The following VWA3A variants were observed in gnomAD, a reference collection of about 807,000 sequenced individuals.
VWA3A encodes von Willebrand factor A domain-containing protein 3A.
Under a neutral mutation model 160.4 loss-of-function variants are expected in VWA3A, and 134 were observed. The observed-to-expected ratio is 0.84, with a 90% CI of 0.73 to 0.96. The LOEUF is 0.96. Ranked by LOEUF, VWA3A falls within the 40% of genes least tolerant of loss-of-function variation. The pLI is 0.00. For synonymous variants in VWA3A, 476 were observed against 543.4 expected (o/e 0.88, Z 1.72); for missense variants, 1,310 against 1,447.9 (o/e 0.90, Z 1.55).
intron 25 of VWA3A, among the ~76,000 whole-genome samples, chr16:22,143,974 A>T (rs1268287365): frequency 5.3e-5 from 8 of 151,440 alleles, no homozygotes; most frequent in African/African-American, 1.9e-4. Flanking sequence ...TCCTGACCTC[A>T]GGAGTTTGAG....
chr16:22,149,914 A>C lies in VWA3A; in HGVS notation c.3112A>C (p.Ile1038Leu). 1 of 1,608,500 alleles carries C rather than the reference A, an allele frequency of 6.2e-7. No homozygotes were observed. The highest frequency in any genetic ancestry group is 8.5e-7 in the Non-Finnish European group (1 of 1,176,508). The change falls in exon 29 of 34, where the codon ATC (isoleucine) becomes CTC (leucine). Residue 1038 changes from isoleucine to leucine, a missense_variant. By Grantham distance (5) the Ile-to-Leu change is conservative. Transcript: ENST00000389398. ...THLQAQGSTSILQALLKAFSF... is the reference protein window; with the variant it reads ...THLQAQGSTSLLQALLKAFSF... ...CCTGCAAGCTCAGGGCAGCACCTCCATCTTGCAAGCATTGCTGGCAAGTCC... is the reference window on the plus strand; with the variant it reads ...CCTGCAAGCTCAGGGCAGCACCTCCCTCTTGCAAGCATTGCTGGCAAGTCC...
chr16:22,112,992 C>T (rs1022306531), intron 8 of VWA3A, among the ~76,000 whole-genome samples: 4 of 152,194 alleles, frequency 2.6e-5, no homozygotes, highest in African/African-American at 9.7e-5. Context: ...TGGCTAGTGC[C>T]AGGTACTCAA....
intron 29 of VWA3A, among the ~76,000 whole-genome samples, 171 bp downstream of exon 29, chr16:22,150,102 A>G (rs527473802): frequency 1.3e-5 from 2 of 152,340 alleles, no homozygotes; most frequent in East Asian, 1.9e-4. Context: ...ATGTTCTCAC[A>G]TTATAGATGA....
At chr16:22,121,321 C>T (rs1213057566) in intron 13 of VWA3A, among the ~76,000 whole-genome samples, 193 bp from the exon 14 acceptor site, 1 of 152,162 alleles carries the variant, frequency 6.6e-6, no homozygotes, top group Non-Finnish European at 1.5e-5. Context: ...CATGCACCTG[C>T]AGTCCCAGCT....
chr16:22,117,142 G>A lies in VWA3A; in HGVS notation c.956G>A (p.Arg319Lys), dbSNP rs1382775234. ...AVLKNLAEAV[R>K]GYYHCYSPKM... ...CTGAAGAACCTTGCAGAAGCTGTTA[G>A]GGGCTACTACCACTGCTACAGCCCA... The change falls in exon 11 of 34, where the codon AGG (arginine) becomes AAG (lysine). Residue 319 changes from arginine to lysine, a missense_variant. Physicochemically the swap from Arg to Lys is conservative, Grantham distance 26. Coordinates refer to ENST00000389398, the MANE Select transcript of VWA3A (RefSeq NM_173615.5). 6.3e-7 allele frequency: 1 copy of A among 1,584,740 alleles called. No homozygotes were observed. The highest frequency in any genetic ancestry group is 1.3e-5 in the African/African-American group (1 of 74,232).
intron 21 of VWA3A, among the ~76,000 whole-genome samples, chr16:22,136,818 G>T (rs1247464527): frequency 2.0e-5 from 3 of 151,484 alleles, no homozygotes; most frequent in Non-Finnish European, 2.9e-5. Context: ...AGATCACAAG[G>T]TCAGGAGATC....
intron 3 of VWA3A, among the ~76,000 whole-genome samples, chr16:22,097,950 C>A (rs759949529): frequency 2.6e-5 from 4 of 152,362 alleles, no homozygotes; most frequent in South Asian, 2.1e-4. Context: ...ATCATGTTAT[C>A]AAGGCCTGAA....
Position 22,126,207 on chromosome 16 carries a change from C to T in VWA3A, c.1562C>T (p.Thr521Ile). ...RVVVLLDISA[T>I]NSMYIIHIQH... ...GTTGTACTGCTCGATATCTCTGCGA[C>T]CAATTCCATGTACATTATTCATATC... The change falls in exon 17 of 34, where the codon ACC becomes ATC. Residue 521 changes from threonine to isoleucine, a missense_variant. By Grantham distance (89) the Thr-to-Ile change is moderately conservative. Coordinates refer to ENST00000389398, the MANE Select transcript of VWA3A (RefSeq NM_173615.5). 3.7e-6 allele frequency: 6 copies of T among 1,613,960 alleles called. No homozygotes were observed. Among genetic ancestry groups the T allele is most frequent in the Non-Finnish European group, 5.1e-6 (6 of 1,179,874 alleles).
intron 29 of VWA3A, 50 bp from the exon 30 acceptor site, chr16:22,150,645 T>C: frequency 6.4e-7 from 1 of 1,550,488 alleles, no homozygotes; most frequent in Non-Finnish European, 8.7e-7. Context: ...GTTCTTGTGT[T>C]CTGGGTGAGC....
intron 8 of VWA3A, among the ~76,000 whole-genome samples, 160 bp from the exon 9 acceptor site, chr16:22,115,187 G>T (rs2045611935): frequency 6.6e-6 from 1 of 152,096 alleles, no homozygotes. Flanking sequence ...GAGGCAGCAG[G>T]ATCGCTTGGG....
At chr16:22,119,072 C>T (rs976237528) in intron 12 of VWA3A, 45 bp downstream of exon 12, 1 of 1,550,820 alleles carries the variant, frequency 6.4e-7, no homozygotes, top group Non-Finnish European at 8.7e-7. Context: ...CCCAGCAGCA[C>T]TCAGCTGGCC....
intron 1 of VWA3A, among the ~76,000 whole-genome samples, chr16:22,093,814 G>A (rs1901427996): frequency 6.6e-6 from 1 of 152,226 alleles, no homozygotes; most frequent in East Asian, 1.9e-4. Context: ...ACCCAGGCTG[G>A]AGTGCAGCGA....
At chr16:22,141,820 A>T in intron 24 of VWA3A, 128 bp downstream of exon 24, 1 of 708,716 alleles carries the variant, frequency 1.4e-6, no homozygotes, top group Non-Finnish European at 2.3e-6. Context: ...CCTCTGGAGC[A>T]AGCCGTACTC....
At position 22,113,363 on chromosome 16, in the gene VWA3A, CTTTTTTTTTTTTTTT is replaced by C. The variant is rs569069206; in HGVS notation, c.690-1965_690-1951del. 1.3e-3 allele frequency among the ~76,000 whole-genome samples: 59 copies of C among 46,268 alleles called. No homozygotes were observed. The South Asian group carries it at 0.073, about 57-fold the overall frequency. 30.4% of individuals were successfully genotyped at this position (46,268 alleles called of 152,430 possible). A position where few individuals can be genotyped will look rare whatever the true frequency, so the allele number is the denominator to read the frequency against. Reference sequence around the variant, plus strand: ...TGCTCCACAATGCCTGGCTAATTTTCTTTTTTTTTTTTTTTTTTTTTTTTTTTTTTTTTGTATTTT... The same window carrying C: ...TGCTCCACAATGCCTGGCTAATTTTCTTTTTTTTTTTTTTTTTTGTATTTT... On this transcript the variant is annotated intron_variant, in intron 8 of 33. Coordinates refer to ENST00000389398, the MANE Select transcript of VWA3A (RefSeq NM_173615.5).
Position 22,121,000 on chromosome 16 carries a change from A to C in VWA3A, c.1149A>C (p.Ile383=), listed in dbSNP as rs376380508. 1.9e-6 allele frequency: 3 copies of C among 1,613,878 alleles called. No homozygotes were observed. Among genetic ancestry groups the C allele is most frequent in the African/African-American group, 2.7e-5 (2 of 74,912 alleles). The change falls in exon 13 of 34, where the codon ATA becomes ATC. Residue 383 remains isoleucine, a synonymous_variant. Transcript: ENST00000389398. The stretch of plus-strand genomic sequence containing the variant: ...CAGAGATTACAAATGGGCCACTCAT[A>C]AGCCTCTTGCCTAAACCCCCAAAGC... ...ISTEITNGPL[I]SLLPKPPKHD... is the part of the protein sequence containing the mutation.
At chr16:22,138,221 G>A in intron 21 of VWA3A, 139 bp from the exon 22 acceptor site, 1 of 990,408 alleles carries the variant, frequency 1.0e-6, no homozygotes, top group South Asian at 1.8e-5. Context: ...TTCAGCCCCA[G>A]GTGGCTTTCT....
chr16:22,103,643 AG>A, intron 6 of VWA3A, 114 bp downstream of exon 6: 1 of 1,259,648 alleles, frequency 7.9e-7, no homozygotes. Flanking sequence ...AGCTAAAAAA[AG>A]GCATTTACTA....
rs565299178 is a variant in VWA3A, at chr16:22,126,550, A to G, written c.1652+253A>G. Among the ~76,000 whole-genome samples, 8 of 152,278 alleles carry G rather than the reference A, an allele frequency of 5.3e-5. No individual in the cohort carries two copies. The East Asian group carries it at 1.5e-3, about 29-fold the overall frequency. ...AACACACTGCTTGATCAACCAGGATAAAGTAATTCAGCCCATTGGCCCATT... is the reference window on the plus strand; with the variant it reads ...AACACACTGCTTGATCAACCAGGATGAAGTAATTCAGCCCATTGGCCCATT... On this transcript the variant is annotated intron_variant, in intron 17 of 33. Coordinates refer to ENST00000389398, the MANE Select transcript of VWA3A (RefSeq NM_173615.5).
chr16:22,144,474 T>C, intron 26 of VWA3A, 90 bp downstream of exon 26: 1 of 1,510,972 alleles, frequency 6.6e-7, no homozygotes, highest in Non-Finnish European at 8.8e-7. Flanking sequence ...TGGCCTCTAT[T>C]TCTGCTTGTA....
Sources: gnomAD v4.1 joint callset for allele counts (sites outside exome capture counted in the v4.1 genomes callset) on GRCh38, gnomAD v4.1.1 for gene constraint, MANE v1.5 for transcripts, NCBI Gene and HGNC (gene_info 2026-07-23, HGNC 2026-07-21) for gene names.